Variants in HDAC9 observed in about 807,000 individuals in gnomAD.
The protein encoded by HDAC9 is MEF-2 interacting transcription repressor (MITR) protein.
HDAC9 carries 41 observed loss-of-function variants against 139.4 expected under a neutral mutation model. That is an observed-to-expected ratio of 0.29 (90% CI 0.23 to 0.38). HDAC9 has a LOEUF of 0.38. Ranked by LOEUF, HDAC9 falls within the 10% of genes least tolerant of loss-of-function variation. HDAC9 has a pLI of 1.00. For missense variants in HDAC9, 1,147 were observed against 1,297.0 expected, an observed-to-expected ratio of 0.88 and a Z score of 1.78; for synonymous variants, 517 against 476.2, an observed-to-expected ratio of 1.09 and a Z score of -1.12.
At chr7:18,170,471 G>T (rs1788342936) in intron 2 of HDAC9, among the ~76,000 whole-genome samples, 2 of 152,158 alleles carry the variant, frequency 1.3e-5, no homozygotes, top group South Asian at 4.2e-4. Flanking sequence ...GTCTATTTTG[G>T]CTTTTGTTGT....
intron 1 of HDAC9, among the ~76,000 whole-genome samples, chr7:18,149,774 T>A (rs1212442238): frequency 6.6e-6 from 1 of 152,088 alleles, no homozygotes; most frequent in Non-Finnish European, 1.5e-5. Flanking sequence ...CAGGATGGTC[T>A]CGATCTCCTG....
chr7:18,565,339 A>G (rs1821958977), intron 2 of HDAC9, among the ~76,000 whole-genome samples: 1 of 152,230 alleles, frequency 6.6e-6, no homozygotes, highest in Admixed American at 6.5e-5. Flanking sequence ...TTTGTTTATC[A>G]TATAATGTAA....
chr7:18,088,554 A>G (rs1262315589), intron 1 of HDAC9, among the ~76,000 whole-genome samples: 41 of 152,238 alleles, frequency 2.7e-4, no homozygotes, highest in Admixed American at 2.6e-3. Context: ...TGCCCCAGAA[A>G]TCTTTCTAAT....
intron 2 of HDAC9, among the ~76,000 whole-genome samples, chr7:18,199,465 T>C (rs1790952157): frequency 6.6e-6 from 1 of 152,128 alleles, no homozygotes. Flanking sequence ...TCTGCTGTTA[T>C]TGTTTGCTCT....
At chr7:18,916,498 T>C (rs889203432) in intron 22 of HDAC9, among the ~76,000 whole-genome samples, 8 of 151,984 alleles carry the variant, frequency 5.3e-5, no homozygotes, top group East Asian at 1.9e-4. Flanking sequence ...ATAGAAGCTA[T>C]TGGGCTTCAG....
chr7:18,691,185 G>T (rs1427338277), intron 12 of HDAC9, among the ~76,000 whole-genome samples: 1 of 151,952 alleles, frequency 6.6e-6, no homozygotes. Flanking sequence ...GGAGATAGGA[G>T]ACATGGCAAA....
At chr7:18,564,390 T>A (rs112560428) in intron 2 of HDAC9, among the ~76,000 whole-genome samples, 1 of 152,218 alleles carries the variant, frequency 6.6e-6, no homozygotes. Context: ...TCCCTTTTTT[T>A]GGGGCTTGCT....
chr7:18,622,059 G>T (rs1393411489), intron 6 of HDAC9, among the ~76,000 whole-genome samples: 1 of 152,106 alleles, frequency 6.6e-6, no homozygotes, highest in Non-Finnish European at 1.5e-5. Flanking sequence ...ATAAGTATTT[G>T]GTTCCAAGTA....
At chr7:18,173,722 T>C (rs892361422) in intron 2 of HDAC9, among the ~76,000 whole-genome samples, 5 of 152,214 alleles carry the variant, frequency 3.3e-5, no homozygotes, top group Admixed American at 2.6e-4. Context: ...TGGCTGGATA[T>C]GAAATTCTGG....
chr7:18,272,012 A>G (rs1205607533), intron 2 of HDAC9, among the ~76,000 whole-genome samples: 3 of 152,196 alleles, frequency 2.0e-5, no homozygotes, highest in Admixed American at 1.3e-4. Flanking sequence ...TTAGTACAAT[A>G]TTTGTTGAAC....
rs772133137 is a variant in HDAC9 at position 18,727,587 on chromosome 7, T to C, written c.1739T>C (p.Leu580Pro). ...EQAAFMQQPF[L>P]EPTHTRALSV... ...CTCTTTTCTTGGCAACAGCCTTTCC[T>C]GGAACCCACGCACACACGTGCGCTC... Residue 580 changes from leucine (L) to proline (P), a missense_variant, in exon 13 of 26, where the codon CTG (leucine) becomes CCG (proline). Leu to Pro is a moderately conservative substitution (Grantham distance 98). This residue lies in a region of HDAC9 where 256 missense variants were observed against 219.2 expected (regional missense o/e 1.17). Coordinates refer to ENST00000686413, the MANE Select transcript of HDAC9 (RefSeq NM_178425.4). 3 of 1,595,070 alleles carry C rather than the reference T, an allele frequency of 1.9e-6. No individual in the cohort carries two copies. Among genetic ancestry groups the C allele is most frequent in the East Asian group, 2.3e-5 (1 of 43,908 alleles).
At chr7:18,528,664 C>A (rs974492166) in intron 2 of HDAC9, among the ~76,000 whole-genome samples, 29 of 151,822 alleles carry the variant, frequency 1.9e-4, no homozygotes, top group African/African-American at 7.0e-4. Flanking sequence ...AAAATTTTAC[C>A]AATTTACAAA....
intron 1 of HDAC9, among the ~76,000 whole-genome samples, chr7:18,479,753 C>A (rs1047126438): frequency 1.3e-5 from 2 of 151,852 alleles, no homozygotes; most frequent in African/African-American, 4.8e-5. Flanking sequence ...ATTACTTCTT[C>A]AATTCAGGAC....
chr7:18,839,576 T>A (rs1796455101), intron 21 of HDAC9, among the ~76,000 whole-genome samples: 1 of 152,072 alleles, frequency 6.6e-6, no homozygotes, highest in Non-Finnish European at 1.5e-5. Context: ...GGGAATAATG[T>A]TGTCAATGGG....
upstream of HDAC9, among the ~76,000 whole-genome samples, chr7:18,495,441 A>G (rs1275684649): frequency 6.6e-6 from 1 of 152,022 alleles, no homozygotes; most frequent in Non-Finnish European, 1.5e-5. Flanking sequence ...CTTTCTTTGG[A>G]AGCGAATCGC....
At chr7:18,828,784 A>C (rs1321687262) in intron 17 of HDAC9, among the ~76,000 whole-genome samples, 1 of 152,192 alleles carries the variant, frequency 6.6e-6, no homozygotes, top group Non-Finnish European at 1.5e-5. Flanking sequence ...CTTTGACCCA[A>C]ACCTGCACCA....
In HDAC9 at chr7:18,317,214, TAATTA is replaced by T. The variant is rs976474637; in HGVS notation, c.-42+26707_-42+26711del. Among the ~76,000 whole-genome samples, 107 of 151,458 alleles carry T rather than the reference TAATTA, an allele frequency of 7.1e-4. 1 individual carries two copies. The highest frequency in any genetic ancestry group is 2.2e-3 in the Admixed American group (33 of 15,218). On this transcript the variant is annotated intron_variant, in intron 1 of 3. Coordinates refer to the HDAC9 transcript ENST00000413509. Reference sequence around the variant, plus strand: ...TCTGTCTCAAAATAAATAAATAAATTAATTAAATTAAAATAAAAATTCAGCCATAT... The same window carrying T: ...TCTGTCTCAAAATAAATAAATAAATTAATTAAAATAAAAATTCAGCCATAT...
chr7:18,323,939 T>TG lies in HDAC9; in HGVS notation c.-42+33424_-42+33425insG, dbSNP rs1800237525. On this transcript the variant is annotated intron_variant, in intron 1 of 3. Transcript: ENST00000413509. The stretch of plus-strand genomic sequence containing the variant: ...TTCCTGGCTTATGGTTGTTTTGTTT[T>TG]TTTTTTTTTTCACTTTGTCCTCATA... Among the ~76,000 whole-genome samples, 6 of 151,894 alleles carry TG rather than the reference T, an allele frequency of 4.0e-5. No homozygotes were observed. In the South Asian group the frequency reaches 1.2e-3, roughly 32 times the overall value.
At chr7:18,743,606 CAAA>C (rs35338088) in intron 13 of HDAC9, among the ~76,000 whole-genome samples, 2 of 117,182 alleles carry the variant, frequency 1.7e-5, no homozygotes, top group Admixed American at 8.8e-5. Context: ...GACTGCGTCT[CAAA>C]AAAAAAAAAA....
Sources: allele counts gnomAD v4.1 joint callset (sites outside exome capture counted in the v4.1 genomes callset), GRCh38; gene constraint gnomAD v4.1.1; regional missense constraint gnomAD v4.1.1; transcripts MANE v1.5; gene names NCBI Gene and HGNC (gene_info 2026-07-23, HGNC 2026-07-21).